The following PTPRC variants were observed in gnomAD, a reference collection of about 807,000 sequenced individuals.
PTPRC encodes receptor-type tyrosine-protein phosphatase C.
A neutral mutation model predicts 155.9 loss-of-function variants in PTPRC; 44 were observed. The observed-to-expected ratio is 0.28, with a 90% CI of 0.22 to 0.36. The LOEUF (loss-of-function observed/expected upper bound fraction) is 0.36, where lower values mean the gene tolerates loss of function less well. Ranked by LOEUF, PTPRC falls within the 10% of genes least tolerant of loss-of-function variation. The pLI, the probability that PTPRC is intolerant of heterozygous loss-of-function variation, is 1.00. For missense variants in PTPRC, 1,401 were observed against 1,564.6 expected, an observed-to-expected ratio of 0.90 and a Z score of 1.76; for synonymous variants, 525 against 533.1, an observed-to-expected ratio of 0.98 and a Z score of 0.21.
rs1653602325 is a variant in PTPRC at position 198,716,682 on chromosome 1, A to G, written c.1292A>G (p.Glu431Gly). 1 of 1,611,380 alleles carries G rather than the reference A, an allele frequency of 6.2e-7. No individual in the cohort carries two copies. Among genetic ancestry groups the G allele is most frequent in the South Asian group, 1.1e-5 (1 of 90,958 alleles). Reference sequence around the variant, plus strand: ...AATTTTTTTTCACATTTTTCCTCAGAAAAAGATTGCCTCAATCTGGATAAA... The same window carrying G: ...AATTTTTTTTCACATTTTTCCTCAGGAAAAGATTGCCTCAATCTGGATAAA... ...NFTLCYIKET[E>G]KDCLNLDKNL... The change falls in exon 13 of 33, where the codon GAA becomes GGA. Residue 431 changes from glutamate to glycine, a missense_variant and splice_region_variant. By Grantham distance (98) the Glu-to-Gly change is moderately conservative. This residue lies in a region of PTPRC where 867 missense variants were observed against 970.4 expected (regional missense o/e 0.89). Coordinates refer to ENST00000442510, the MANE Select transcript of PTPRC (RefSeq NM_002838.5).
intron 17 of PTPRC, 66 bp from the exon 18 acceptor site, chr1:198,731,551 A>C: frequency 8.3e-7 from 1 of 1,211,816 alleles, no homozygotes; most frequent in South Asian, 1.2e-5. Context: ...GTGTAAATTT[A>C]ATGAAATGTG....
chr1:198,688,458 C>T (rs777336029), intron 2 of PTPRC, among the ~76,000 whole-genome samples: 3 of 152,140 alleles, frequency 2.0e-5, no homozygotes, highest in Non-Finnish European at 2.9e-5. Context: ...CCAGAAACCT[C>T]TTAACATCTA....
chr1:198,754,942 G>GCAA (rs1655560053), intron 32 of PTPRC, among the ~76,000 whole-genome samples: 1 of 152,060 alleles, frequency 6.6e-6, no homozygotes, highest in African/African-American at 2.4e-5. Context: ...TTTAGCTATG[G>GCAA]CAACAACAGT....
intron 2 of PTPRC, among the ~76,000 whole-genome samples, chr1:198,640,615 A>G (rs913515931): frequency 6.6e-6 from 1 of 152,028 alleles, no homozygotes; most frequent in Non-Finnish European, 1.5e-5. Context: ...TATGATAATA[A>G]AAAGTAAATT....
intron 3 of PTPRC, chr1:198,695,018 A>G: frequency 1.0e-6 from 1 of 954,010 alleles, no homozygotes. Flanking sequence ...AACACACATA[A>G]CAAGTCTATG....
At chr1:198,754,209 C>T in intron 31 of PTPRC, 60 bp from the exon 32 acceptor site, 2 of 1,518,732 alleles carry the variant, frequency 1.3e-6, no homozygotes, top group Non-Finnish European at 1.8e-6. Flanking sequence ...TGTTTTTATT[C>T]TAATATCACC....
intron 14 of PTPRC, among the ~76,000 whole-genome samples, chr1:198,720,615 T>C (rs12134706): frequency 0.027 from 4,141 of 152,174 alleles, 73 homozygotes; most frequent in African/African-American, 0.052. Flanking sequence ...AGGCGTGAGC[T>C]ACTGTGCCAG....
chr1:198,694,891 C>G (rs1666118562), intron 3 of PTPRC: 2 of 967,626 alleles, frequency 2.1e-6, no homozygotes, highest in Admixed American at 1.2e-4. Context: ...AGTTACTATC[C>G]TATTACTGTA....
At chr1:198,699,950 A>C in intron 5 of PTPRC, 1 of 590,130 alleles carries the variant, frequency 1.7e-6, no homozygotes, top group Non-Finnish European at 3.0e-6. Flanking sequence ...AGTTATTCAG[A>C]ATAGTCTATT....
intron 25 of PTPRC, among the ~76,000 whole-genome samples, chr1:198,743,130 T>C (rs1343096008): frequency 3.8e-5 from 5 of 132,544 alleles, no homozygotes; most frequent in African/African-American, 1.1e-4. Flanking sequence ...ACCGTAAATA[T>C]GTATCAATAG....
At chr1:198,648,453 C>T (rs1451174913) in intron 2 of PTPRC, among the ~76,000 whole-genome samples, 2 of 151,628 alleles carry the variant, frequency 1.3e-5, no homozygotes, top group Non-Finnish European at 2.9e-5. Flanking sequence ...ATTTTCCACT[C>T]GGTTACTCAA....
rs1338225314 is a variant in PTPRC, at chr1:198,741,916, C to A, written c.2451C>A (p.Thr817=). 1 of 1,612,082 alleles carries A rather than the reference C, an allele frequency of 6.2e-7. No homozygotes were observed. Among genetic ancestry groups the A allele is most frequent in the Non-Finnish European group, 8.5e-7 (1 of 1,178,980 alleles). The change falls in exon 24 of 33, where the codon ACC becomes ACA. Residue 817 remains threonine, a synonymous_variant. Coordinates refer to ENST00000442510, the MANE Select transcript of PTPRC (RefSeq NM_002838.5). The part of the protein sequence containing the change: ...TGREVTHIQF[T]SWPDHGVPED... ...GAGAGGTGACTCACATTCAGTTCAC[C>A]AGCTGGCCAGACCACGGGGTGCCTG...
At chr1:198,714,938 A>C (rs1292776967) in intron 12 of PTPRC, among the ~76,000 whole-genome samples, 3 of 152,100 alleles carry the variant, frequency 2.0e-5, no homozygotes, top group Non-Finnish European at 4.4e-5. Context: ...ACATTAATTT[A>C]GTTTTATTGG....
intron 2 of PTPRC, chr1:198,679,962 G>A (rs1665210907): frequency 3.2e-6 from 2 of 624,462 alleles, no homozygotes; most frequent in Admixed American, 2.5e-5. Flanking sequence ...TGGCGTAGGC[G>A]ACATGCAGCG....
At chr1:198,739,109 C>A (rs377577670) in intron 23 of PTPRC, among the ~76,000 whole-genome samples, 1 of 151,218 alleles carries the variant, frequency 6.6e-6, no homozygotes, top group African/African-American at 2.4e-5. Context: ...TTAAAACAGA[C>A]CACCAGAGAA....
intron 2 of PTPRC, among the ~76,000 whole-genome samples, chr1:198,663,869 A>G (rs1217331349): frequency 2.6e-5 from 4 of 152,112 alleles, no homozygotes; most frequent in African/African-American, 4.8e-5. Context: ...TTATGCTATT[A>G]TTATTTTTAT....
intron 14 of PTPRC, among the ~76,000 whole-genome samples, chr1:198,721,834 A>G (rs1215177067): frequency 6.6e-6 from 1 of 151,324 alleles, no homozygotes; most frequent in Non-Finnish European, 1.5e-5. Context: ...ATTCAAATAT[A>G]TTTTACTTAA....
At chr1:198,646,608 A>G (rs899878235) in intron 2 of PTPRC, among the ~76,000 whole-genome samples, 6 of 151,866 alleles carry the variant, frequency 4.0e-5, no homozygotes, top group Non-Finnish European at 7.4e-5. Flanking sequence ...AGTGACATTA[A>G]TGTGGAGATT....
At chr1:198,755,083 GTCT>G (rs1655566899) in intron 32 of PTPRC, among the ~76,000 whole-genome samples, 12 of 152,178 alleles carry the variant, frequency 7.9e-5, no homozygotes, top group Admixed American at 7.9e-4. Context: ...TGACACACAT[GTCT>G]TCTTCTGTAT....
Sources: gnomAD v4.1 joint callset for allele counts (sites outside exome capture counted in the v4.1 genomes callset) on GRCh38, gnomAD v4.1.1 for gene constraint, gnomAD v4.1.1 regional missense constraint, MANE v1.5 for transcripts, NCBI Gene and HGNC (gene_info 2026-07-23, HGNC 2026-07-21) for gene names.